PRTG: variants seen among roughly 807,000 people sequenced by gnomAD.
PRTG encodes the protein protogenin.
PRTG carries 67 observed loss-of-function variants against 122.5 expected under a neutral mutation model. The ratio of observed to expected loss-of-function variants is 0.55; its 90% CI spans 0.45 to 0.67. The LOEUF is 0.67. Ranked by LOEUF, PRTG falls within the 30% of genes least tolerant of loss-of-function variation. The pLI is 0.00. For synonymous variants in PRTG, 554 were observed against 501.1 expected, an observed-to-expected ratio of 1.11 and a Z score of -1.41; for missense variants, 1,435 against 1,415.4, an observed-to-expected ratio of 1.01 and a Z score of -0.22.
intron 11 of PRTG, 51 bp downstream of exon 11, chr15:55,672,389 TCGCAG>T: frequency 7.2e-7 from 1 of 1,397,680 alleles, no homozygotes; most frequent in African/African-American, 1.4e-5. Flanking sequence ...ATAACTTTTT[TCGCAG>T]TTTGTCAGAG....
At chr15:55,704,423 G>C (rs2030005594) in intron 2 of PRTG, among the ~76,000 whole-genome samples, 1 of 152,042 alleles carries the variant, frequency 6.6e-6, no homozygotes, top group Non-Finnish European at 1.5e-5. Flanking sequence ...ATTTCTACTA[G>C]GATTACTTTT....
Position 55,619,994 on chromosome 15 carries a change from T to C in PRTG, c.*18A>G. ...CCTCAATGCGGAATCTCCACCTGAA[T>C]CACTGCCAGTGAAAGAATCAGAGGT... On this transcript the variant is annotated 3_prime_UTR_variant, in exon 20 of 20. Coordinates refer to ENST00000389286, the MANE Select transcript of PRTG (RefSeq NM_173814.6). 1 of 1,613,338 alleles carries C rather than the reference T, an allele frequency of 6.2e-7. No homozygotes were observed. The highest frequency in any genetic ancestry group is 1.3e-5 in the African/African-American group (1 of 75,048).
intron 2 of PRTG, among the ~76,000 whole-genome samples, chr15:55,710,103 C>G (rs1271486722): frequency 6.6e-6 from 1 of 152,098 alleles, no homozygotes; most frequent in African/African-American, 2.4e-5. Context: ...ATATACACAA[C>G]CATTAACAAT....
At chr15:55,663,232 T>C (rs946216187) in intron 11 of PRTG, among the ~76,000 whole-genome samples, 1 of 152,212 alleles carries the variant, frequency 6.6e-6, no homozygotes, top group Non-Finnish European at 1.5e-5. Flanking sequence ...CTGAGGTTCA[T>C]GGAGGTCAAG....
intron 11 of PRTG, among the ~76,000 whole-genome samples, chr15:55,641,833 T>G (rs991456312): frequency 6.6e-5 from 10 of 152,122 alleles, no homozygotes; most frequent in Non-Finnish European, 1.5e-5. Flanking sequence ...ATCACGATAC[T>G]AAAACTAAAG....
Position 55,628,808 on chromosome 15 carries a change from G to C in PRTG, c.2806+14C>G. On this transcript the variant is annotated intron_variant, in intron 16 of 19. Transcript: ENST00000389286. The stretch of plus-strand genomic sequence containing the variant: ...TCTTAAGAAAAATCACAGTGACTAC[G>C]GCAGTATACAGACCTTTGGCATCAG... 6.3e-7 allele frequency: 1 copy of C among 1,592,132 alleles called. No homozygotes were observed. Among genetic ancestry groups the C allele is most frequent in the Non-Finnish European group, 8.6e-7 (1 of 1,167,668 alleles).
At chr15:55,708,335 G>T (rs926775578) in intron 2 of PRTG, among the ~76,000 whole-genome samples, 1 of 152,102 alleles carries the variant, frequency 6.6e-6, no homozygotes, top group Non-Finnish European at 1.5e-5. Flanking sequence ...CAGGCCAGGC[G>T]CAGTGGCTCA....
At chr15:55,672,682 A>G (rs1206334871) in intron 10 of PRTG, 49 bp from the exon 11 acceptor site, 2 of 1,420,566 alleles carry the variant, frequency 1.4e-6, no homozygotes, top group South Asian at 1.3e-5. Flanking sequence ...CAATATCCAC[A>G]TAAAGACACA....
rs967335462 is a variant in PRTG, at chr15:55,613,797, A to G, written c.*6215T>C. ...TTTTTTTTTTAAGCTGAGACAATGTATCATAGTCCTATACACTTCTGAGTA... is the reference window on the plus strand; with the variant it reads ...TTTTTTTTTTAAGCTGAGACAATGTGTCATAGTCCTATACACTTCTGAGTA... On this transcript the variant is annotated 3_prime_UTR_variant, in exon 20 of 20. Transcript: ENST00000389286. 1 of 135,684 alleles carries G rather than the reference A, an allele frequency of 7.4e-6. No individual in the cohort carries two copies. The highest frequency in any genetic ancestry group is 2.1e-4 in the East Asian group (1 of 4,844). 8.4% of individuals were successfully genotyped at this position (135,684 alleles called of 1,614,324 possible). A position where few individuals can be genotyped will look rare whatever the true frequency, so the allele number is the denominator to read the frequency against.
chr15:55,685,878 A>G (rs527606107), intron 2 of PRTG, among the ~76,000 whole-genome samples: 1 of 152,332 alleles, frequency 6.6e-6, no homozygotes, highest in South Asian at 2.1e-4. Flanking sequence ...TGATCAATTA[A>G]TTAGTCCCTG....
At chr15:55,703,928 T>G (rs535510982) in intron 2 of PRTG, among the ~76,000 whole-genome samples, 6 of 152,310 alleles carry the variant, frequency 3.9e-5, no homozygotes, top group Non-Finnish European at 7.3e-5. Context: ...GTCACAGAAG[T>G]GTATGCGACA....
Position 55,617,385 on chromosome 15 carries a change from G to C in PRTG, c.*2627C>G, listed in dbSNP as rs1224422696. ...ATTACAACTTATTTTAAATGCTCTG[G>C]TAACAATAAGGTAGTTAACATTACT... On this transcript the variant is annotated 3_prime_UTR_variant, in exon 20 of 20. Coordinates refer to ENST00000389286, the MANE Select transcript of PRTG (RefSeq NM_173814.6). 2 of 152,020 alleles carry C rather than the reference G, an allele frequency of 1.3e-5. No homozygotes were observed. Among genetic ancestry groups the C allele is most frequent in the African/African-American group, 2.4e-5 (1 of 41,412 alleles). The allele number at this position is 152,020 out of a possible 1,614,324, so 9.4% of individuals were successfully genotyped here. A position where few individuals can be genotyped will look rare whatever the true frequency, so the allele number is the denominator to read the frequency against.
chr15:55,691,420 C>T (rs2141828691), intron 2 of PRTG, among the ~76,000 whole-genome samples: 1 of 152,032 alleles, frequency 6.6e-6, no homozygotes, highest in South Asian at 2.1e-4. Context: ...CGGTGGCTCA[C>T]ACCTGTAATC....
At chr15:55,731,337 T>C (rs2031222777) in intron 2 of PRTG, among the ~76,000 whole-genome samples, 2 of 150,936 alleles carry the variant, frequency 1.3e-5, no homozygotes, top group African/African-American at 2.4e-5. Flanking sequence ...ATCTGAAAGC[T>C]GAGGGAGAAG....
At position 55,612,697 on chromosome 15, in the gene PRTG, A is replaced by C. The variant is rs1024832780; in HGVS notation, c.*7315T>G. ...TTCTCTCTTTAACTCTTTAAAAGCC[A>C]ATATATATATATATATATATATATA... is the stretch of plus-strand genomic sequence containing the variant. On this transcript the variant is annotated 3_prime_UTR_variant, in exon 20 of 20. Coordinates refer to ENST00000389286, the MANE Select transcript of PRTG (RefSeq NM_173814.6). The C allele has an allele frequency of 3.1e-3, 368 of 120,512 alleles. 6 individuals are homozygous for C. The highest frequency in any genetic ancestry group is 0.015 in the African/African-American group (323 of 21,214). 7.5% of individuals were successfully genotyped at this position (120,512 alleles called of 1,614,324 possible).
rs1452706136 is a variant in PRTG, at chr15:55,615,911, C to T, written c.*4101G>A. On this transcript the variant is annotated 3_prime_UTR_variant, in exon 20 of 20. Transcript: ENST00000389286. ...GTTTTCAAAGGTGTCTGCATAAGAACTTGAACAATGATCCTGGGTTGTCAA... is the reference window on the plus strand; with the variant it reads ...GTTTTCAAAGGTGTCTGCATAAGAATTTGAACAATGATCCTGGGTTGTCAA... 1 of 152,114 alleles carries T rather than the reference C, an allele frequency of 6.6e-6. No individual in the cohort carries two copies. The highest frequency in any genetic ancestry group is 2.4e-5 in the African/African-American group (1 of 41,442). 9.4% of individuals were successfully genotyped at this position (152,114 alleles called of 1,614,324 possible).
rs113242319 is a variant in PRTG, at chr15:55,727,887, G to A, written c.397+12495C>T. ...CAAAATTTATTTATCTGTTTATTTA[G>A]AGACAGAGTCTCTGTCACCCAGGCT... On this transcript the variant is annotated intron_variant, in intron 2 of 19. Transcript: ENST00000389286. Among the ~76,000 whole-genome samples the A allele has an allele frequency of 5.8e-3, 882 of 152,234 alleles. 10 individuals carry two copies. Among genetic ancestry groups the A allele is most frequent in the African/African-American group, 0.02 (833 of 41,538 alleles).
At chr15:55,666,762 C>T (rs1447785872) in intron 11 of PRTG, among the ~76,000 whole-genome samples, 2 of 152,194 alleles carry the variant, frequency 1.3e-5, no homozygotes, top group African/African-American at 4.8e-5. Context: ...ACAAAAACAA[C>T]TAACATTTGT....
intron 10 of PRTG, among the ~76,000 whole-genome samples, chr15:55,672,846 T>C (rs1419802211): frequency 6.6e-6 from 1 of 152,112 alleles, no homozygotes. Flanking sequence ...AAGACCAAGA[T>C]ATATAAATAG....
Sources: allele counts gnomAD v4.1 joint callset (sites outside exome capture counted in the v4.1 genomes callset), GRCh38; gene constraint gnomAD v4.1.1; transcripts MANE v1.5; gene names NCBI Gene and HGNC (gene_info 2026-07-23, HGNC 2026-07-21).